Variants in FGF13 observed in about 807,000 individuals in gnomAD.
FGF13 encodes fibroblast growth factor 13, also known as fibroblast growth factor homologous factor 2.
In FGF13, 2 loss-of-function variants were observed where a neutral mutation model predicts 19.5. The observed-to-expected ratio is 0.10, with a 90% confidence interval of 0.04 to 0.32. The LOEUF is 0.32. Ranked by LOEUF, FGF13 falls within the 10% of genes least tolerant of loss-of-function variation. The pLI, the probability that FGF13 is intolerant of heterozygous loss-of-function variation, is 1.00. For missense variants in FGF13, 113 were observed against 192.7 expected (o/e 0.59, Z 2.45); for synonymous variants, 72 against 76.9 (o/e 0.94, Z 0.33).
rs1392245594 is a variant in FGF13 at position 138,711,447 on chromosome X, G to A, written c.-444C>T. 2.2e-5 allele frequency: 15 copies of A among 694,831 alleles called. No individual in the cohort carries two copies. The highest frequency in any genetic ancestry group is 2.4e-5 in the Non-Finnish European group (14 of 584,190). 57.3% of individuals were successfully genotyped at this position (694,831 alleles called of 1,213,427 possible). A position where few individuals can be genotyped will look rare whatever the true frequency, so the allele number is the denominator to read the frequency against. On this transcript the variant is annotated 5_prime_UTR_variant, in exon 1 of 5. Coordinates refer to ENST00000315930, the MANE Select transcript of FGF13 (RefSeq NM_004114.5). ...AGGCGGGCGGAGGGAGTGAGCGCGGGCGGGAGAGAGGCCGGGAGCTCGGGC... is the reference window on the plus strand; with the variant it reads ...AGGCGGGCGGAGGGAGTGAGCGCGGACGGGAGAGAGGCCGGGAGCTCGGGC...
intron 1 of FGF13, among the ~76,000 whole-genome samples, chrX:139,092,259 C>T (rs1188434886): frequency 6.2e-5 from 7 of 112,233 alleles, no homozygotes; most frequent in Admixed American, 2.8e-4. Flanking sequence ...ACTTTTGCTC[C>T]CTAAAAGGAT....
chrX:138,615,301 A>G lies in FGF13; in HGVS notation c.*17549T>C, dbSNP rs1054851649. 4 of 112,282 alleles carry G rather than the reference A, an allele frequency of 3.6e-5. No individual in the cohort carries two copies. Among genetic ancestry groups the G allele is most frequent in the Non-Finnish European group, 7.5e-5 (4 of 53,230 alleles). 9.3% of individuals were successfully genotyped at this position (112,282 alleles called of 1,213,427 possible). ...TGATACTGCAGTTATGTAAGTTGATACCACTAGAGGAACTAGATAAAGGGC... is the reference window on the plus strand; with the variant it reads ...TGATACTGCAGTTATGTAAGTTGATGCCACTAGAGGAACTAGATAAAGGGC... On this transcript the variant is annotated 3_prime_UTR_variant, in exon 5 of 5. Coordinates refer to ENST00000315930, the MANE Select transcript of FGF13 (RefSeq NM_004114.5).
intron 1 of FGF13, among the ~76,000 whole-genome samples, chrX:138,880,103 G>C (rs1290779670): frequency 8.9e-6 from 1 of 112,410 alleles, no homozygotes; most frequent in Non-Finnish European, 1.9e-5. Context: ...CTGGTCATTA[G>C]AGAAATGCAG....
chrX:138,915,369 CA>C lies in FGF13; in HGVS notation c.-112-50720del, dbSNP rs775050376. ...AATAAACTTGGAAGAAGAAATTGGA[CA>C]TATTCGATTGAGTTCCTTTCTCATT... On this transcript the variant is annotated intron_variant, in intron 1 of 2. Coordinates refer to the FGF13 transcript ENST00000421460. 5.2e-4 allele frequency among the ~76,000 whole-genome samples: 58 copies of C among 111,612 alleles called. No individual in the cohort carries two copies. In the East Asian group the frequency reaches 0.015, roughly 29 times the overall value.
At chrX:138,913,182 C>CTTTTTTTTTTTTTTTTTTTTT (rs35078012) in intron 1 of FGF13, among the ~76,000 whole-genome samples, 1 of 37,092 alleles carries the variant, frequency 2.7e-5, no homozygotes, top group African/African-American at 1.2e-4. Flanking sequence ...AAAGCATCTA[C>CTTTTTTTTTTTTTTTTTTTTT]TTTTTTTTTT....
intron 1 of FGF13, among the ~76,000 whole-genome samples, chrX:138,975,962 G>A (rs940506841): frequency 1.3e-4 from 14 of 111,503 alleles, no homozygotes; most frequent in African/African-American, 4.2e-4. Context: ...AAGACCAAGC[G>A]TATTAGATTT....
chrX:138,897,530 A>C (rs2091510577), intron 1 of FGF13, among the ~76,000 whole-genome samples: 1 of 111,882 alleles, frequency 8.9e-6, no homozygotes, highest in African/African-American at 3.3e-5. Flanking sequence ...AGAATCTAGA[A>C]GAAAAACCTA....
At chrX:138,823,486 AACCCTGCCTTACTC>A (rs2091013759) in intron 3 of FGF13, among the ~76,000 whole-genome samples, 1 of 111,030 alleles carries the variant, frequency 9.0e-6, no homozygotes, top group Admixed American at 9.6e-5. Flanking sequence ...TACCCAATAA[AACCCTGCCTTACTC>A]ACCCTTCAAA....
chrX:138,657,153 AT>A (rs1338144008), intron 3 of FGF13, among the ~76,000 whole-genome samples: 2 of 111,252 alleles, frequency 1.8e-5, no homozygotes, highest in African/African-American at 6.5e-5. Context: ...TTGGAAATCA[AT>A]TTTAGAAAAA....
At chrX:139,047,735 A>G (rs1030127944) in intron 1 of FGF13, among the ~76,000 whole-genome samples, 2 of 112,018 alleles carry the variant, frequency 1.8e-5, no homozygotes, top group African/African-American at 6.5e-5. Flanking sequence ...CATAGTACCT[A>G]GCATACAGTG....
At chrX:139,070,320 G>C (rs746322621) in intron 1 of FGF13, among the ~76,000 whole-genome samples, 1 of 111,951 alleles carries the variant, frequency 8.9e-6, no homozygotes, top group Admixed American at 9.4e-5. Context: ...GTGGATGAAG[G>C]ATATGAACAG....
chrX:138,977,782 C>A (rs190359515), intron 1 of FGF13, among the ~76,000 whole-genome samples: 1 of 111,971 alleles, frequency 8.9e-6, no homozygotes, highest in African/African-American at 3.2e-5. Flanking sequence ...CTGGAAGAGA[C>A]AGTCTTACCG....
At chrX:138,752,300 G>A (rs1044635051) in intron 3 of FGF13, among the ~76,000 whole-genome samples, 20 of 111,007 alleles carry the variant, frequency 1.8e-4, no homozygotes, top group African/African-American at 6.6e-4. Context: ...GGTGGTGCAT[G>A]CCTGTAATCT....
chrX:139,172,218 C>T (rs776440298), intron 1 of FGF13, among the ~76,000 whole-genome samples: 3 of 111,834 alleles, frequency 2.7e-5, no homozygotes, highest in East Asian at 2.8e-4. Flanking sequence ...TGTTTTAACT[C>T]GTAAATATCA....
chrX:138,716,937 G>C (rs903702747), intron 1 of FGF13, among the ~76,000 whole-genome samples: 1 of 112,099 alleles, frequency 8.9e-6, no homozygotes, highest in Non-Finnish European at 1.9e-5. Context: ...AAATACTTAA[G>C]CTATAGAATT....
chrX:138,881,113 A>G (rs180747211), intron 1 of FGF13, among the ~76,000 whole-genome samples: 25 of 111,795 alleles, frequency 2.2e-4, no homozygotes, highest in Non-Finnish European at 4.1e-4. Flanking sequence ...AATGTTTTAT[A>G]GTTTTTAGTG....
At chrX:138,652,943 A>C (rs1348980210) in intron 3 of FGF13, among the ~76,000 whole-genome samples, 1 of 112,403 alleles carries the variant, frequency 8.9e-6, no homozygotes, top group Non-Finnish European at 1.9e-5. Context: ...CCTTGTATTG[A>C]ACCAAACAAC....
chrX:138,995,303 G>T (rs2092037014), intron 1 of FGF13, among the ~76,000 whole-genome samples: 2 of 111,512 alleles, frequency 1.8e-5, no homozygotes, highest in Admixed American at 1.9e-4. Flanking sequence ...TTTTAATTTT[G>T]ATTTTTATTT....
intron 1 of FGF13, among the ~76,000 whole-genome samples, chrX:138,929,298 G>A (rs1166886345): frequency 9.2e-6 from 1 of 109,007 alleles, no homozygotes; most frequent in Admixed American, 9.9e-5. Context: ...GTGTGGAGAA[G>A]AGATAAGCTT....
Sources: gnomAD v4.1 joint callset for allele counts (sites outside exome capture counted in the v4.1 genomes callset) on GRCh38, gnomAD v4.1.1 for gene constraint, MANE v1.5 for transcripts, NCBI Gene and HGNC (gene_info 2026-07-23, HGNC 2026-07-21) for gene names.